Variants in LETMD1 observed in about 807,000 individuals in gnomAD.
LETMD1 encodes LETM1 domain-containing protein 1.
A neutral mutation model predicts 43.9 loss-of-function variants in LETMD1; 30 were observed. The observed-to-expected ratio is 0.68, with a 90% CI of 0.51 to 0.93. The LOEUF (loss-of-function observed/expected upper bound fraction) is 0.93, where lower values mean the gene tolerates loss of function less well. Ranked by LOEUF, LETMD1 falls within the 40% of genes least tolerant of loss-of-function variation. The probability of loss-of-function intolerance (pLI) is 0.00; values close to 1 mark genes in which losing one functional copy is unlikely to be tolerated. For synonymous variants in LETMD1, 176 were observed against 163.1 expected, an observed-to-expected ratio of 1.08 and a Z score of -0.60; for missense variants, 413 against 447.7, an observed-to-expected ratio of 0.92 and a Z score of 0.70.
At chr12:51,058,847 AGGGGT>A (rs1472306166) in intron 8 of LETMD1, 6 of 167,544 alleles carry the variant, frequency 3.6e-5, no homozygotes, top group African/African-American at 1.4e-4. Flanking sequence ...CAAATGTCCT[AGGGGT>A]GGGGAGGAGA....
downstream of LETMD1, chr12:51,064,260 G>A (rs779824813): frequency 3.1e-6 from 5 of 1,613,056 alleles, no homozygotes; most frequent in African/African-American, 4.0e-5. Context: ...TGTAAGGCCT[G>A]GGCACAGCTC....
chr12:51,049,448 A>C (rs1477330056), intron 2 of LETMD1: 3 of 355,464 alleles, frequency 8.4e-6, no homozygotes, highest in Non-Finnish European at 1.6e-5. Flanking sequence ...TCTTAACCAC[A>C]CACCTGGCTA....
In LETMD1 at chr12:51,052,102, G is replaced by C. The variant is rs1162334699; in HGVS notation, c.285G>C (p.Met95Ile). 7 of 1,613,830 alleles carry C rather than the reference G, an allele frequency of 4.3e-6. No individual in the cohort carries two copies. The highest frequency in any genetic ancestry group is 1.6e-4 in the Middle Eastern group (1 of 6,084). ...ACTTTAATGAGGCAGGATTGCAGAT[G>C]TTATGGGCTGATGCCAAAAAGGCTA... ...LYTIFMKGLQMLWADAKKARR... is the reference protein window; with the variant it reads ...LYTIFMKGLQILWADAKKARR... Residue 95 changes from methionine to isoleucine, a missense_variant, in exon 3 of 9, where the codon ATG becomes ATC. Coordinates refer to ENST00000262055, the MANE Select transcript of LETMD1 (RefSeq NM_015416.5).
downstream of LETMD1, chr12:51,064,203 A>T: frequency 6.2e-7 from 1 of 1,614,058 alleles, no homozygotes; most frequent in South Asian, 1.1e-5. Context: ...GGTAAAACAC[A>T]GGACAGAGGA....
chr12:51,053,706 G>A, intron 3 of LETMD1, 72 bp from the exon 4 acceptor site: 1 of 983,980 alleles, frequency 1.0e-6, no homozygotes, highest in South Asian at 1.4e-5. Context: ...CTGTACAGTG[G>A]GGTGGATGGA....
rs1473052082 is a variant in LETMD1, at chr12:51,060,387, C to G, written c.*956C>G. Reference sequence around the variant, plus strand: ...AATGCATGAAGCACTGTTTTTAAACCCAAGTAAAGACTGCTTGAAACCTGT... The same window carrying G: ...AATGCATGAAGCACTGTTTTTAAACGCAAGTAAAGACTGCTTGAAACCTGT... On this transcript the variant is annotated 3_prime_UTR_variant, in exon 9 of 9. Transcript: ENST00000262055. The G allele has an allele frequency of 6.6e-6, 1 of 152,114 alleles. No individual in the cohort carries two copies. The highest frequency in any genetic ancestry group is 2.4e-5 in the African/African-American group (1 of 41,410). The allele number at this position is 152,114 out of a possible 1,614,324, so 9.4% of individuals were successfully genotyped here.
downstream of LETMD1, chr12:51,064,145 G>A (rs200511454): frequency 5.0e-5 from 80 of 1,614,108 alleles, no homozygotes; most frequent in Non-Finnish European, 7.6e-6. Flanking sequence ...CACTGTTCAA[G>A]TAGGATGGGC....
chr12:51,052,381 C>T, intron 3 of LETMD1, 174 bp downstream of exon 3: 1 of 690,422 alleles, frequency 1.4e-6, no homozygotes, highest in Non-Finnish European at 2.3e-6. Flanking sequence ...GAATTGGGTT[C>T]ATCCAGAGTT....
the LETMD1 span, among the ~76,000 whole-genome samples, chr12:51,065,686 C>T: frequency 6.6e-6 from 1 of 152,074 alleles, no homozygotes; most frequent in Non-Finnish European, 1.5e-5. Flanking sequence ...CCTCAAACTC[C>T]TGGGCTCAAG....
rs540931869 is a variant in LETMD1 at position 51,056,051 on chromosome 12, T to A, written c.660+30T>A. Reference sequence around the variant, plus strand: ...TCCTGCAGTTAACCCTTCCTACAAATGTGGAATCTTGTTAGATTCAGTGTG... The same window carrying A: ...TCCTGCAGTTAACCCTTCCTACAAAAGTGGAATCTTGTTAGATTCAGTGTG... On this transcript the variant is annotated intron_variant, in intron 5 of 8. Transcript: ENST00000262055. 53 of 1,610,286 alleles carry A rather than the reference T, an allele frequency of 3.3e-5. No individual in the cohort carries two copies. In the South Asian group the frequency reaches 5.8e-4, roughly 18 times the overall value.
At chr12:51,051,996 A>G in intron 2 of LETMD1, 96 bp from the exon 3 acceptor site, 2 of 1,062,902 alleles carry the variant, frequency 1.9e-6, no homozygotes, top group Non-Finnish European at 2.7e-6. Context: ...GGGAGGGGTG[A>G]GAGTGTTTGC....
chr12:51,064,358 T>A (rs529009046), downstream of LETMD1: 6 of 1,614,148 alleles, frequency 3.7e-6, no homozygotes, highest in Middle Eastern at 3.3e-4. Flanking sequence ...CGCTGGAATC[T>A]TCTTCTGCCT....
Position 51,049,097 on chromosome 12 carries a change from C to G in LETMD1, c.186C>G (p.Thr62=), listed in dbSNP as rs761428272. ...DVKNLMSYVV[T]KTKAINGKYH... is the part of the protein sequence containing the mutation. ...AGAACTTGATGTCTTATGTGGTAAC[C>G]AAGACAAAAGCGATTAATGGGAAAT... The change falls in exon 2 of 9, where the codon ACC becomes ACG. Residue 62 remains threonine, a synonymous_variant. Transcript: ENST00000262055. 4 of 1,613,586 alleles carry G rather than the reference C, an allele frequency of 2.5e-6. No individual in the cohort carries two copies. The South Asian group carries it at 4.4e-5, about 18-fold the overall frequency.
intron 5 of LETMD1, 60 bp from the exon 6 acceptor site, chr12:51,056,084 C>T: frequency 1.2e-6 from 2 of 1,607,436 alleles, no homozygotes; most frequent in Non-Finnish European, 1.7e-6. Flanking sequence ...GTGCACTAAA[C>T]TAGGTAAGAG....
chr12:51,064,679 G>C (rs1566173538), downstream of LETMD1: 2 of 1,503,602 alleles, frequency 1.3e-6, no homozygotes, highest in South Asian at 1.4e-5. Context: ...CCTGAGCGGG[G>C]ACAAGAAGGT....
At chr12:51,048,942 A>C in intron 1 of LETMD1, 92 bp from the exon 2 acceptor site, 1 of 1,226,830 alleles carries the variant, frequency 8.2e-7, no homozygotes, top group South Asian at 1.5e-5. Flanking sequence ...TTGGGATACA[A>C]TCTCCGAGAC....
chr12:51,058,392 G>T, intron 8 of LETMD1: 1 of 475,818 alleles, frequency 2.1e-6, no homozygotes, highest in African/African-American at 1.9e-5. Context: ...TTCCTTATGG[G>T]GGGAATATCC....
intron 7 of LETMD1, 74 bp from the exon 8 acceptor site, chr12:51,057,958 G>A (rs1303168118): frequency 3.9e-6 from 4 of 1,018,452 alleles, no homozygotes; most frequent in African/African-American, 1.6e-5. Flanking sequence ...ATTTAGGATT[G>A]TTTGTGGATT....
At position 51,056,345 on chromosome 12, in the gene LETMD1, T is replaced by C; in HGVS notation, c.763-5T>C. ...CCTTTCCCCTCCTATGTGGTTGTGT[T>C]ACAGAAAGCCTTGAGCCGGGCCATG... On this transcript the variant is annotated splice_polypyrimidine_tract_variant and splice_region_variant and intron_variant, in intron 6 of 8. Coordinates refer to ENST00000262055, the MANE Select transcript of LETMD1 (RefSeq NM_015416.5). The C allele has an allele frequency of 6.2e-7, 1 of 1,614,180 alleles. No homozygotes were observed. The highest frequency in any genetic ancestry group is 1.1e-5 in the South Asian group (1 of 91,070).
Sources: gnomAD v4.1 joint callset for allele counts (sites outside exome capture counted in the v4.1 genomes callset) on GRCh38, gnomAD v4.1.1 for gene constraint, MANE v1.5 for transcripts, NCBI Gene and HGNC (gene_info 2026-07-23, HGNC 2026-07-21) for gene names.